The following GALNT13 variants were observed in gnomAD, a reference collection of about 807,000 sequenced individuals.
GALNT13 encodes the protein UDP-GalNAc:polypeptide N-acetylgalactosaminyltransferase 13.
Under a neutral mutation model 64.2 loss-of-function variants are expected in GALNT13, and 28 were observed. The observed-to-expected ratio is 0.44, with a 90% CI of 0.32 to 0.60. The LOEUF (loss-of-function observed/expected upper bound fraction) is 0.60. Ranked by LOEUF, GALNT13 falls within the 20% of genes least tolerant of loss-of-function variation. The pLI is 0.05. For synonymous variants in GALNT13, 214 were observed against 224.6 expected, an observed-to-expected ratio of 0.95 and a Z score of 0.42; for missense variants, 577 against 669.8, an observed-to-expected ratio of 0.86 and a Z score of 1.53.
At chr2:153,983,784 T>A (rs1225825322) in intron 3 of GALNT13, among the ~76,000 whole-genome samples, 1 of 151,974 alleles carries the variant, frequency 6.6e-6, no homozygotes, top group Non-Finnish European at 1.5e-5. Flanking sequence ...TTGGTCTAAA[T>A]GGTATGAACA....
chr2:154,390,961 C>G (rs909086859), intron 9 of GALNT13, among the ~76,000 whole-genome samples: 1 of 152,180 alleles, frequency 6.6e-6, no homozygotes, highest in Non-Finnish European at 1.5e-5. Flanking sequence ...AGATATATCC[C>G]AAGTGCCTAG....
the GALNT13 span, among the ~76,000 whole-genome samples, chr2:153,248,489 A>G: frequency 7.3e-6 from 1 of 137,000 alleles, no homozygotes; most frequent in East Asian, 2.0e-4. Flanking sequence ...AGATGCAGAA[A>G]AGGCGTGAGA....
At chr2:153,986,112 ACT>A (rs1221448635) in intron 3 of GALNT13, among the ~76,000 whole-genome samples, 1 of 151,932 alleles carries the variant, frequency 6.6e-6, no homozygotes, top group Non-Finnish European at 1.5e-5. Flanking sequence ...AAAGACTGTA[ACT>A]CTGTGACTTT....
chr2:153,628,164 A>T, the GALNT13 span, among the ~76,000 whole-genome samples: 2 of 152,036 alleles, frequency 1.3e-5, no homozygotes, highest in Non-Finnish European at 2.9e-5. Flanking sequence ...ATTGGTGTAT[A>T]AGAATGCTTG....
At chr2:153,764,959 T>C in the GALNT13 span, among the ~76,000 whole-genome samples, 1 of 152,204 alleles carries the variant, frequency 6.6e-6, no homozygotes, top group Non-Finnish European at 1.5e-5. Flanking sequence ...GGCCTGCAGG[T>C]GCACAGAAGT....
the GALNT13 span, among the ~76,000 whole-genome samples, chr2:153,680,150 A>C: frequency 6.6e-6 from 1 of 151,944 alleles, no homozygotes. Context: ...TAAATGAATA[A>C]ATAAATGAAT....
chr2:153,751,710 C>T, the GALNT13 span, among the ~76,000 whole-genome samples: 1 of 151,436 alleles, frequency 6.6e-6, no homozygotes, highest in Non-Finnish European at 1.5e-5. Flanking sequence ...TTTTAGTCTA[C>T]TTGTGTCTTT....
chr2:153,643,485 G>A, the GALNT13 span, among the ~76,000 whole-genome samples: 13 of 151,482 alleles, frequency 8.6e-5, no homozygotes, highest in Middle Eastern at 4.6e-3. Flanking sequence ...TAAATAAATG[G>A]AATTTCCTTT....
intron 5 of GALNT13, 135 bp downstream of exon 5, chr2:154,242,331 C>T (rs1259200846): frequency 2.8e-6 from 2 of 707,116 alleles, no homozygotes; most frequent in Non-Finnish European, 4.6e-6. Context: ...TTTACTAGCC[C>T]TGCCACAGCC....
intron 4 of GALNT13, among the ~76,000 whole-genome samples, chr2:154,185,035 A>G (rs1185474750): frequency 1.3e-5 from 2 of 152,092 alleles, no homozygotes; most frequent in African/African-American, 4.8e-5. Context: ...ATTTCTAGTA[A>G]GGCAGGTCCA....
intron 3 of GALNT13, among the ~76,000 whole-genome samples, chr2:153,968,896 C>G (rs532368145): frequency 1.3e-5 from 2 of 152,094 alleles, no homozygotes. Context: ...CAGTATTTAT[C>G]ATTTCATTTA....
chr2:153,774,599 T>C, the GALNT13 span, among the ~76,000 whole-genome samples: 1 of 152,026 alleles, frequency 6.6e-6, no homozygotes, highest in African/African-American at 2.4e-5. Flanking sequence ...TGAAATTTAG[T>C]CAAGAACAAA....
At chr2:153,643,003 T>A in the GALNT13 span, among the ~76,000 whole-genome samples, 3 of 151,580 alleles carry the variant, frequency 2.0e-5, no homozygotes, top group African/African-American at 7.2e-5. Context: ...TATAATTGAC[T>A]AGTTATTTAA....
In GALNT13 at chr2:154,306,626, G is replaced by GTT. The variant is rs79175258; in HGVS notation, c.1156+5037_1156+5038insTT. On this transcript the variant is annotated intron_variant, in intron 9 of 12. Coordinates refer to ENST00000392825, the MANE Select transcript of GALNT13 (RefSeq NM_052917.4). ...TTTTAAGGATAATTTGGTGGGGGGG[G>GTT]GGTCAAGAAATGGGGAGTGCTGATT... Among the ~76,000 whole-genome samples, 343 of 148,618 alleles carry GTT rather than the reference G, an allele frequency of 2.3e-3. 11 individuals carry two copies. In the East Asian group the frequency reaches 0.058, roughly 25 times the overall value.
intron 9 of GALNT13, 56 bp from the exon 10 acceptor site, chr2:154,395,935 A>G (rs1699032937): frequency 6.8e-7 from 1 of 1,479,450 alleles, no homozygotes; most frequent in African/African-American, 1.4e-5. Context: ...ATGTAGTAAA[A>G]CAGTACTAAA....
At chr2:153,867,687 C>T (rs1417087864), upstream of GALNT13, among the ~76,000 whole-genome samples, 8 of 151,784 alleles carry the variant, frequency 5.3e-5, no homozygotes, top group South Asian at 2.1e-4. Flanking sequence ...TGGGAGCCCT[C>T]GGCTTGTATT....
At chr2:153,632,149 A>G in the GALNT13 span, among the ~76,000 whole-genome samples, 244 of 152,286 alleles carry the variant, frequency 1.6e-3, no homozygotes, top group African/African-American at 5.7e-3. Context: ...GTAAAAAGCT[A>G]AAGAAACCTA....
the GALNT13 span, among the ~76,000 whole-genome samples, chr2:153,469,136 T>C: frequency 6.6e-6 from 1 of 152,076 alleles, no homozygotes; most frequent in African/African-American, 2.4e-5. Context: ...AGAGGATATA[T>C]TGTCTAAAAA....
the GALNT13 span, among the ~76,000 whole-genome samples, chr2:153,468,426 C>T: frequency 6.6e-6 from 1 of 152,048 alleles, no homozygotes; most frequent in Non-Finnish European, 1.5e-5. Flanking sequence ...AGTCTCTATA[C>T]ACCACTACTG....
Sources: allele counts gnomAD v4.1 joint callset (sites outside exome capture counted in the v4.1 genomes callset), GRCh38; gene constraint gnomAD v4.1.1; transcripts MANE v1.5; gene names NCBI Gene and HGNC (gene_info 2026-07-23, HGNC 2026-07-21).